The following DIAPH2 variants were observed in gnomAD, a reference collection of about 807,000 sequenced individuals.
DIAPH2 encodes protein diaphanous homolog 2.
In DIAPH2, 35 loss-of-function variants were observed where a neutral mutation model predicts 92.7. The observed-to-expected ratio is 0.38, with a 90% CI of 0.29 to 0.50. DIAPH2 has a LOEUF of 0.50. DIAPH2 is among the 20% of genes least tolerant of loss of function. The pLI is 0.94. For synonymous variants in DIAPH2, 301 were observed against 280.4 expected, an observed-to-expected ratio of 1.07 and a Z score of -0.73; for missense variants, 701 against 819.5, an observed-to-expected ratio of 0.86 and a Z score of 1.77.
chrX:97,021,993 G>C (rs1044379611), intron 17 of DIAPH2, among the ~76,000 whole-genome samples: 1 of 112,138 alleles, frequency 8.9e-6, no homozygotes, highest in African/African-American at 3.2e-5. Context: ...CATTTGCTAA[G>C]TGTCAAAGCA....
At chrX:97,497,060 A>T (rs1031446020) in intron 26 of DIAPH2, among the ~76,000 whole-genome samples, 3 of 110,944 alleles carry the variant, frequency 2.7e-5, no homozygotes, top group African/African-American at 9.8e-5. Flanking sequence ...ATGTTGACTT[A>T]ACTGAATTCA....
chrX:96,908,752 A>G (rs1295959336), intron 5 of DIAPH2, among the ~76,000 whole-genome samples: 2 of 111,100 alleles, frequency 1.8e-5, no homozygotes, highest in Non-Finnish European at 3.8e-5. Flanking sequence ...GGCGCCCGCC[A>G]CCACGCCCAG....
At chrX:97,049,263 A>C (rs2066504416) in intron 17 of DIAPH2, among the ~76,000 whole-genome samples, 1 of 110,709 alleles carries the variant, frequency 9.0e-6, no homozygotes, top group African/African-American at 3.3e-5. Flanking sequence ...GCAAATACTT[A>C]CTTTCCCTAA....
intron 17 of DIAPH2, among the ~76,000 whole-genome samples, chrX:96,971,176 A>G (rs1374607986): frequency 8.9e-6 from 1 of 111,886 alleles, no homozygotes; most frequent in Non-Finnish European, 1.9e-5. Flanking sequence ...AACTGAAGTA[A>G]GAGACAATGA....
In DIAPH2 at chrX:97,492,260, C is replaced by T. The variant is rs184533618; in HGVS notation, c.3241+62515C>T. On this transcript the variant is annotated intron_variant, in intron 26 of 26. Coordinates refer to ENST00000324765, the MANE Select transcript of DIAPH2 (RefSeq NM_006729.5). ...ACCAGCCTGGGCAACATGGCAAAAC[C>T]CTGTCTCTATTAAAAATGCAAAAAA... is the stretch of plus-strand genomic sequence containing the variant. Among the ~76,000 whole-genome samples, 28 of 110,613 alleles carry T rather than the reference C, an allele frequency of 2.5e-4. 1 individual carries two copies. Among genetic ancestry groups the T allele is most frequent in the African/African-American group, 8.2e-4 (25 of 30,423 alleles).
At chrX:97,561,159 T>C (rs1006697221) in intron 26 of DIAPH2, among the ~76,000 whole-genome samples, 1 of 112,524 alleles carries the variant, frequency 8.9e-6, no homozygotes, top group Non-Finnish European at 1.9e-5. Context: ...TTTCATTTAG[T>C]ATCACTGACT....
intron 23 of DIAPH2, among the ~76,000 whole-genome samples, chrX:97,318,831 C>T (rs1357701675): frequency 3.6e-5 from 4 of 111,287 alleles, no homozygotes; most frequent in Non-Finnish European, 1.9e-5. Context: ...TTCTAAACAT[C>T]ACCCAAAATT....
At position 97,601,187 on chromosome X, in the gene DIAPH2, A is replaced by G; in HGVS notation, c.*1870A>G. ...CTTTCTTTTCTGAAATCTTCGTGGTATGGCTTTTTTAATTCTTTTGACAGC... is the reference window on the plus strand; with the variant it reads ...CTTTCTTTTCTGAAATCTTCGTGGTGTGGCTTTTTTAATTCTTTTGACAGC... On this transcript the variant is annotated 3_prime_UTR_variant, in exon 27 of 27. Transcript: ENST00000324765. 2.7e-5 allele frequency: 3 copies of G among 112,151 alleles called. No individual in the cohort carries two copies. The allele number at this position is 112,151 out of a possible 1,213,427, so 9.2% of individuals were successfully genotyped here. A position where few individuals can be genotyped will look rare whatever the true frequency, so the allele number is the denominator to read the frequency against.
chrX:96,875,547 C>T (rs1462162649), intron 4 of DIAPH2, among the ~76,000 whole-genome samples: 1 of 110,643 alleles, frequency 9.0e-6, no homozygotes, highest in Admixed American at 9.7e-5. Flanking sequence ...CTTTTATCAC[C>T]CCTGCCCTAT....
chrX:97,521,479 G>A (rs748483387), intron 26 of DIAPH2, among the ~76,000 whole-genome samples: 3 of 111,663 alleles, frequency 2.7e-5, no homozygotes, highest in Non-Finnish European at 5.6e-5. Context: ...TACTTCTAAG[G>A]AGGTATAAAA....
chrX:97,560,437 C>T (rs1488794154), intron 26 of DIAPH2, among the ~76,000 whole-genome samples: 3 of 112,060 alleles, frequency 2.7e-5, no homozygotes, highest in Non-Finnish European at 5.6e-5. Context: ...ATTGTAAATT[C>T]TTTCATGCTC....
intron 25 of DIAPH2, among the ~76,000 whole-genome samples, chrX:97,418,888 G>T (rs1466311978): frequency 9.0e-6 from 1 of 111,627 alleles, no homozygotes; most frequent in Non-Finnish European, 1.9e-5. Context: ...TGTAATTGTT[G>T]CTTCATTATC....
intron 22 of DIAPH2, among the ~76,000 whole-genome samples, chrX:97,171,204 A>G: frequency 8.9e-6 from 1 of 112,336 alleles, no homozygotes. Flanking sequence ...GTAAGAATGT[A>G]CCATGTTTGT....
intron 22 of DIAPH2, among the ~76,000 whole-genome samples, chrX:97,223,838 A>G (rs2147519155): frequency 8.9e-6 from 1 of 111,982 alleles, no homozygotes; most frequent in Non-Finnish European, 1.9e-5. Context: ...AGAAGCAGCA[A>G]TTATGTATTT....
chrX:96,823,915 T>C (rs2064794538), intron 4 of DIAPH2, among the ~76,000 whole-genome samples: 3 of 90,259 alleles, frequency 3.3e-5, no homozygotes, highest in South Asian at 9.4e-4. Flanking sequence ...TTATATACTC[T>C]TGATTTGATT....
At chrX:96,974,791 T>C (rs2065950139) in intron 17 of DIAPH2, among the ~76,000 whole-genome samples, 1 of 111,415 alleles carries the variant, frequency 9.0e-6, no homozygotes, top group African/African-American at 3.3e-5. Flanking sequence ...ATAGTAATTA[T>C]AGACAATAAT....
chrX:97,428,281 G>C (rs953627914), intron 25 of DIAPH2, among the ~76,000 whole-genome samples: 1 of 111,838 alleles, frequency 8.9e-6, no homozygotes, highest in African/African-American at 3.2e-5. Flanking sequence ...TATAATCCCA[G>C]TACTTTGGGA....
At position 96,952,847 on chromosome X, in the gene DIAPH2, GCA is replaced by G. The variant is rs749136233; in HGVS notation, c.1614+3811_1614+3812del. Among the ~76,000 whole-genome samples, 727 of 111,074 alleles carry G rather than the reference GCA, an allele frequency of 6.5e-3. 3 individuals are homozygous for G. Among genetic ancestry groups the G allele is most frequent in the African/African-American group, 0.023 (705 of 30,537 alleles). On this transcript the variant is annotated intron_variant, in intron 15 of 26. Transcript: ENST00000324765. ...ATATTAATAATGGTGAGAGGGCTAG[GCA>G]CAGTGGCTCTTGCCTTTAATACCAG...
intron 15 of DIAPH2, among the ~76,000 whole-genome samples, chrX:96,950,415 C>T (rs1184271570): frequency 1.8e-5 from 2 of 111,351 alleles, no homozygotes; most frequent in Admixed American, 9.6e-5. Flanking sequence ...GTTTGTTGTC[C>T]ATTTCCTGTT....
Sources: allele counts gnomAD v4.1 joint callset (sites outside exome capture counted in the v4.1 genomes callset), GRCh38; gene constraint gnomAD v4.1.1; transcripts MANE v1.5; gene names NCBI Gene and HGNC (gene_info 2026-07-23, HGNC 2026-07-21).